NRF1: variants seen among roughly 807,000 people sequenced by gnomAD.
The protein encoded by NRF1 is nuclear respiratory factor 1.
In NRF1, 5 loss-of-function variants were observed where a neutral mutation model predicts 58.5. That is an observed-to-expected ratio of 0.09 (90% CI 0.04 to 0.18). The LOEUF (loss-of-function observed/expected upper bound fraction) is 0.18. NRF1 is among the 10% of genes least tolerant of loss of function. NRF1 has a pLI of 1.00. For synonymous variants in NRF1, 224 were observed against 246.7 expected (o/e 0.91, Z 0.86); for missense variants, 288 against 657.7 (o/e 0.44, Z 6.15).
At chr7:129,627,693 C>T (rs1033315223) in intron 1 of NRF1, among the ~76,000 whole-genome samples, 3 of 152,084 alleles carry the variant, frequency 2.0e-5, no homozygotes, top group African/African-American at 7.2e-5. Context: ...AAAGAATTGT[C>T]CTTATAGGCT....
At chr7:129,690,954 A>G (rs1562971757) in intron 5 of NRF1, among the ~76,000 whole-genome samples, 1 of 152,244 alleles carries the variant, frequency 6.6e-6, no homozygotes, top group South Asian at 2.1e-4. Context: ...AAATACTTCC[A>G]TAATTATTAC....
chr7:129,613,173 G>A (rs1471384652), intron 1 of NRF1, among the ~76,000 whole-genome samples: 2 of 152,138 alleles, frequency 1.3e-5, no homozygotes, highest in Non-Finnish European at 2.9e-5. Flanking sequence ...CATCATCTGT[G>A]CTCACAGTGA....
chr7:129,643,964 A>G (rs954134251), intron 1 of NRF1, among the ~76,000 whole-genome samples: 1 of 152,174 alleles, frequency 6.6e-6, no homozygotes, highest in Admixed American at 6.5e-5. Context: ...TTGCTATGCC[A>G]TGTGCTTTCA....
intron 10 of NRF1, among the ~76,000 whole-genome samples, chr7:129,740,917 G>C (rs917047784): frequency 6.6e-6 from 1 of 152,152 alleles, no homozygotes; most frequent in Non-Finnish European, 1.5e-5. Context: ...GCCAGTAGCT[G>C]TCATTCTTTA....
chr7:129,677,803 C>T (rs746648386), intron 4 of NRF1, 45 bp downstream of exon 4: 11 of 1,606,278 alleles, frequency 6.8e-6, no homozygotes, highest in African/African-American at 4.0e-5. Flanking sequence ...TGCTTTCTGT[C>T]GGCTGCTTCC....
intron 5 of NRF1, among the ~76,000 whole-genome samples, chr7:129,703,439 G>GT (rs1258007242): frequency 6.6e-6 from 1 of 152,198 alleles, no homozygotes; most frequent in Non-Finnish European, 1.5e-5. Context: ...AATTCAACTG[G>GT]TAATGAGAGC....
In NRF1 at chr7:129,700,380, A is replaced by C. The variant is rs999120355; in HGVS notation, c.607-8695A>C. Among the ~76,000 whole-genome samples the C allele has an allele frequency of 9.2e-5, 14 of 152,180 alleles. No homozygotes were observed. The East Asian group carries it at 1.2e-3, about 13-fold the overall frequency. On this transcript the variant is annotated intron_variant, in intron 5 of 10. Transcript: ENST00000393232. ...AATCCTAGTGCCCCGGCCACACTCCAGACCAATTAAGTCATAGTCTTCAGG... is the reference window on the plus strand; with the variant it reads ...AATCCTAGTGCCCCGGCCACACTCCCGACCAATTAAGTCATAGTCTTCAGG...
At chr7:129,740,801 T>C (rs1354317274) in intron 10 of NRF1, among the ~76,000 whole-genome samples, 2 of 152,172 alleles carry the variant, frequency 1.3e-5, no homozygotes, top group Non-Finnish European at 2.9e-5. Context: ...GCCTCGGGCA[T>C]TCATCGTTTA....
At chr7:129,714,387 G>T (rs377474803) in intron 8 of NRF1, among the ~76,000 whole-genome samples, 118 of 152,350 alleles carry the variant, frequency 7.7e-4, no homozygotes, top group African/African-American at 2.6e-3. Context: ...GAGAGCAGCA[G>T]CATGGGCCAG....
intron 1 of NRF1, among the ~76,000 whole-genome samples, chr7:129,628,418 T>A (rs1410818515): frequency 6.6e-6 from 1 of 152,096 alleles, no homozygotes; most frequent in Non-Finnish European, 1.5e-5. Context: ...AAATTAAAAC[T>A]GAGAAAATTT....
chr7:129,706,736 GAT>G (rs1802959058), intron 5 of NRF1, among the ~76,000 whole-genome samples: 1 of 152,144 alleles, frequency 6.6e-6, no homozygotes, highest in South Asian at 2.1e-4. Flanking sequence ...GAGGGTGAAA[GAT>G]ATCCACGTCC....
intron 10 of NRF1, among the ~76,000 whole-genome samples, chr7:129,745,191 C>T (rs969174218): frequency 2.0e-5 from 3 of 152,120 alleles, no homozygotes; most frequent in African/African-American, 7.2e-5. Context: ...GTGCACTCTG[C>T]ATATTGCCAT....
intron 5 of NRF1, among the ~76,000 whole-genome samples, chr7:129,691,894 C>T (rs1248789085): frequency 6.6e-6 from 1 of 152,090 alleles, no homozygotes; most frequent in African/African-American, 2.4e-5. Flanking sequence ...TGTTTTCACC[C>T]AGTTTACCCT....
intron 1 of NRF1, among the ~76,000 whole-genome samples, chr7:129,618,870 C>A (rs1800709769): frequency 6.6e-6 from 1 of 152,098 alleles, no homozygotes; most frequent in South Asian, 2.1e-4. Flanking sequence ...ATACATCTTA[C>A]AACCTGGATG....
At chr7:129,654,580 G>A (rs902163898) in intron 1 of NRF1, among the ~76,000 whole-genome samples, 5 of 152,136 alleles carry the variant, frequency 3.3e-5, no homozygotes, top group African/African-American at 1.2e-4. Context: ...TCTTATAGGA[G>A]TTTTATGGTT....
intron 10 of NRF1, among the ~76,000 whole-genome samples, chr7:129,727,831 C>G (rs999137718): frequency 2.0e-5 from 3 of 152,166 alleles, no homozygotes; most frequent in Non-Finnish European, 2.9e-5. Context: ...ATGCCGGTGC[C>G]TCTCTGGTTG....
chr7:129,719,526 AC>A (rs145888854), intron 9 of NRF1, among the ~76,000 whole-genome samples: 4 of 144,104 alleles, frequency 2.8e-5, no homozygotes, highest in Admixed American at 7.0e-5. Context: ...ACACACACAC[AC>A]ACACACACAC....
chr7:129,645,055 A>C (rs576680917), intron 1 of NRF1, among the ~76,000 whole-genome samples: 1 of 152,124 alleles, frequency 6.6e-6, no homozygotes, highest in African/African-American at 2.4e-5. Flanking sequence ...GTAAAAAAAA[A>C]AAAAAAAATC....
chr7:129,632,155 T>C (rs867260568), intron 1 of NRF1, among the ~76,000 whole-genome samples: 1 of 152,048 alleles, frequency 6.6e-6, no homozygotes, highest in African/African-American at 2.4e-5. Flanking sequence ...GTGCACGTAG[T>C]CCCAGCTGCT....
Sources: gnomAD v4.1 joint callset for allele counts (sites outside exome capture counted in the v4.1 genomes callset) on GRCh38, gnomAD v4.1.1 for gene constraint, MANE v1.5 for transcripts, NCBI Gene and HGNC (gene_info 2026-07-23, HGNC 2026-07-21) for gene names.